The following NEK10 variants were observed in gnomAD, a reference collection of about 807,000 sequenced individuals.
NEK10 encodes the protein serine/threonine-protein kinase Nek10.
In NEK10, 122 loss-of-function variants were observed where a neutral mutation model predicts 159.8. The observed-to-expected ratio is 0.76, with a 90% confidence interval of 0.66 to 0.89. The LOEUF (loss-of-function observed/expected upper bound fraction) is 0.89. Ranked by LOEUF, NEK10 falls within the 40% of genes least tolerant of loss-of-function variation. The probability of loss-of-function intolerance (pLI) is 0.00; values close to 1 mark genes in which losing one functional copy is unlikely to be tolerated. For synonymous variants in NEK10, 466 were observed against 457.1 expected, an observed-to-expected ratio of 1.02 and a Z score of -0.25; for missense variants, 1,342 against 1,323.1, an observed-to-expected ratio of 1.01 and a Z score of -0.22.
At chr3:27,196,962 C>T (rs1333703294) in intron 25 of NEK10, among the ~76,000 whole-genome samples, 4 of 152,042 alleles carry the variant, frequency 2.6e-5, no homozygotes, top group Admixed American at 6.6e-5. Flanking sequence ...AAGACAGGTT[C>T]GTCTCATTTC....
chr3:27,192,325 A>G (rs1949192017), intron 25 of NEK10, 83 bp from the exon 26 acceptor site: 3 of 946,328 alleles, frequency 3.2e-6, no homozygotes, highest in Admixed American at 3.7e-5. Flanking sequence ...GTTAAACTCC[A>G]CTGTGTGTCC....
intron 22 of NEK10, among the ~76,000 whole-genome samples, chr3:27,261,640 C>T (rs1340957985): frequency 6.6e-6 from 1 of 152,086 alleles, no homozygotes; most frequent in Admixed American, 6.5e-5. Context: ...GCTTTACTTC[C>T]AACTATGTGG....
At chr3:27,147,991 G>A (rs1466002236) in intron 30 of NEK10, among the ~76,000 whole-genome samples, 2 of 152,168 alleles carry the variant, frequency 1.3e-5, no homozygotes, top group African/African-American at 2.4e-5. Flanking sequence ...TTTAAGAATT[G>A]TGCTTTTGCA....
chr3:27,134,094 G>A (rs960550696), intron 31 of NEK10, among the ~76,000 whole-genome samples: 3 of 152,176 alleles, frequency 2.0e-5, no homozygotes, highest in African/African-American at 7.2e-5. Flanking sequence ...CAGGGAGAGA[G>A]AGAGAGATTT....
intron 12 of NEK10, among the ~76,000 whole-genome samples, chr3:27,303,473 C>A (rs568193115): frequency 6.6e-6 from 1 of 152,266 alleles, no homozygotes; most frequent in East Asian, 1.9e-4. Flanking sequence ...CGTCATCCTA[C>A]AAACCTAAAT....
At chr3:27,336,557 T>C (rs759339301) in intron 5 of NEK10, among the ~76,000 whole-genome samples, 16 of 151,950 alleles carry the variant, frequency 1.1e-4, no homozygotes, top group Non-Finnish European at 1.9e-4. Context: ...ATGAAAACTA[T>C]AGAACAGTAT....
At chr3:27,244,808 T>C (rs1954899853) in intron 23 of NEK10, among the ~76,000 whole-genome samples, 1 of 152,102 alleles carries the variant, frequency 6.6e-6, no homozygotes. Flanking sequence ...GCAGCTGGAC[T>C]CCCACTATGT....
intron 3 of NEK10, among the ~76,000 whole-genome samples, chr3:27,351,311 T>C (rs1256051330): frequency 2.0e-5 from 3 of 152,142 alleles, no homozygotes; most frequent in Admixed American, 6.6e-5. Context: ...CTAGCCATCT[T>C]GTTTGCCTCT....
intron 5 of NEK10, among the ~76,000 whole-genome samples, chr3:27,324,651 G>T (rs770288510): frequency 3.3e-5 from 5 of 152,020 alleles, no homozygotes; most frequent in Non-Finnish European, 5.9e-5. Flanking sequence ...CATTGCAAAA[G>T]CCTCCTATCT....
chr3:27,185,375 T>C (rs1948517263), intron 26 of NEK10, among the ~76,000 whole-genome samples: 1 of 152,204 alleles, frequency 6.6e-6, no homozygotes, highest in African/African-American at 2.4e-5. Flanking sequence ...ATATTTTTTT[T>C]GGAAAATAGT....
At chr3:27,268,615 T>A (rs889800819) in intron 22 of NEK10, among the ~76,000 whole-genome samples, 2 of 152,220 alleles carry the variant, frequency 1.3e-5, no homozygotes, top group Non-Finnish European at 2.9e-5. Context: ...TAAGAACTAC[T>A]GCTTAGTAAA....
intron 30 of NEK10, among the ~76,000 whole-genome samples, chr3:27,141,867 C>G (rs976235354): frequency 6.6e-6 from 1 of 152,164 alleles, no homozygotes; most frequent in African/African-American, 2.4e-5. Flanking sequence ...AGGCTGCCAT[C>G]AGGAGTCAGC....
At chr3:27,261,241 T>C (rs559391001) in intron 22 of NEK10, among the ~76,000 whole-genome samples, 32 of 152,354 alleles carry the variant, frequency 2.1e-4, no homozygotes, top group African/African-American at 6.7e-4. Context: ...GCTCTGATCT[T>C]AGTTATTTCT....
At chr3:27,311,167 T>C (rs960054193) in intron 8 of NEK10, 151 bp from the exon 9 acceptor site, 9 of 491,070 alleles carry the variant, frequency 1.8e-5, no homozygotes, top group Non-Finnish European at 3.2e-5. Flanking sequence ...GCAGCATGGC[T>C]ACTTTTTTAC....
chr3:27,233,065 C>T (rs1310799469), intron 23 of NEK10, among the ~76,000 whole-genome samples: 1 of 152,088 alleles, frequency 6.6e-6, no homozygotes, highest in African/African-American at 2.4e-5. Context: ...AAACCTTCTG[C>T]ACAGCAATAT....
At chr3:27,262,451 C>T (rs551642084) in intron 22 of NEK10, among the ~76,000 whole-genome samples, 165 of 152,282 alleles carry the variant, frequency 1.1e-3, no homozygotes, top group Non-Finnish European at 1.1e-3. Context: ...CCATTCTCCC[C>T]GTCACTTTCA....
At chr3:27,300,465 A>T (rs2043722695) in intron 13 of NEK10, among the ~76,000 whole-genome samples, 1 of 152,112 alleles carries the variant, frequency 6.6e-6, no homozygotes, top group Non-Finnish European at 1.5e-5. Flanking sequence ...GTATGTCTTT[A>T]GCAGCAGCGT....
chr3:27,198,558 T>C (rs1190663179), intron 25 of NEK10, among the ~76,000 whole-genome samples: 1 of 152,044 alleles, frequency 6.6e-6, no homozygotes, highest in Non-Finnish European at 1.5e-5. Context: ...ATGTAACAAA[T>C]GGTGCTGGGA....
chr3:27,164,102 C>G (rs1426117219), intron 29 of NEK10, among the ~76,000 whole-genome samples: 1 of 152,152 alleles, frequency 6.6e-6, no homozygotes, highest in Admixed American at 6.5e-5. Context: ...GCTCAAGTTT[C>G]CAGAGCCTTG....
Sources: allele counts gnomAD v4.1 joint callset (sites outside exome capture counted in the v4.1 genomes callset), GRCh38; gene constraint gnomAD v4.1.1; transcripts MANE v1.5; gene names NCBI Gene and HGNC (gene_info 2026-07-23, HGNC 2026-07-21).